Variants in NTN1 observed in about 807,000 individuals in gnomAD.
NTN1 encodes netrin-1.
Under a neutral mutation model 54.2 loss-of-function variants are expected in NTN1, and 11 were observed. The observed-to-expected ratio is 0.20, with a 90% confidence interval of 0.13 to 0.34. The LOEUF (loss-of-function observed/expected upper bound fraction) is 0.34. Ranked by LOEUF, NTN1 falls within the 10% of genes least tolerant of loss-of-function variation. The pLI is 1.00. For missense variants in NTN1, 740 were observed against 893.1 expected (o/e 0.83, Z 2.18); for synonymous variants, 371 against 382.0 (o/e 0.97, Z 0.33).
intron 5 of NTN1, among the ~76,000 whole-genome samples, chr17:9,210,995 C>T: frequency 6.8e-6 from 1 of 146,690 alleles, no homozygotes; most frequent in Admixed American, 6.9e-5. Flanking sequence ...ATTGTATCCT[C>T]ATTGCAGTAA....
intron 2 of NTN1, among the ~76,000 whole-genome samples, chr17:9,058,817 G>A (rs60686538): frequency 1.3e-5 from 2 of 152,076 alleles, no homozygotes; most frequent in African/African-American, 4.8e-5. Flanking sequence ...CCCCCGCCTA[G>A]AATTTGTCTT....
At chr17:9,228,863 AGAGTGTGTCT>A (rs1198155303) in intron 6 of NTN1, among the ~76,000 whole-genome samples, 14 of 52,756 alleles carry the variant, frequency 2.7e-4, no homozygotes, top group African/African-American at 6.3e-4. Flanking sequence ...ACTGTGTATG[AGAGTGTGTCT>A]GTGTGTGACT....
intron 2 of NTN1, among the ~76,000 whole-genome samples, chr17:9,133,063 C>T (rs1413635522): frequency 6.6e-6 from 1 of 152,064 alleles, no homozygotes; most frequent in Non-Finnish European, 1.5e-5. Flanking sequence ...CTCCCCTCCA[C>T]CTTAACGGCT....
At chr17:9,141,739 C>T (rs566588917) in intron 2 of NTN1, among the ~76,000 whole-genome samples, 1 of 152,170 alleles carries the variant, frequency 6.6e-6, no homozygotes, top group Non-Finnish European at 1.5e-5. Context: ...GTTTATGTTT[C>T]CTGAAGAGGC....
At chr17:9,130,373 G>C (rs944618070) in intron 2 of NTN1, among the ~76,000 whole-genome samples, 1 of 152,138 alleles carries the variant, frequency 6.6e-6, no homozygotes, top group Non-Finnish European at 1.5e-5. Context: ...GGTGATAACT[G>C]CTCAGGGAAT....
At position 9,170,596 on chromosome 17, in the gene NTN1, C is replaced by T. The variant is rs568884982; in HGVS notation, c.1207+7595C>T. Reference sequence around the variant, plus strand: ...TGCTTTGGGAGCAAAGATGACAAGTCGAAGGGCAGAGATGTGCCCAGCAGC... The same window carrying T: ...TGCTTTGGGAGCAAAGATGACAAGTTGAAGGGCAGAGATGTGCCCAGCAGC... On this transcript the variant is annotated intron_variant, in intron 3 of 6. Coordinates refer to ENST00000173229, the MANE Select transcript of NTN1 (RefSeq NM_004822.3). Among the ~76,000 whole-genome samples the T allele has an allele frequency of 4.2e-4, 64 of 152,212 alleles. 2 individuals carry two copies. Among genetic ancestry groups the T allele is most frequent in the African/African-American group, 1.5e-3 (62 of 41,516 alleles).
intron 5 of NTN1, among the ~76,000 whole-genome samples, chr17:9,218,915 G>GAAAAAAAAAAAAA (rs58849878): frequency 9.9e-5 from 14 of 141,144 alleles, no homozygotes; most frequent in African/African-American, 3.4e-4. Flanking sequence ...TGGCTTTTGT[G>GAAAAAAAAAAAAA]AAAAAAAAAA....
At chr17:9,021,861 C>T (rs895173312) in intron 1 of NTN1, among the ~76,000 whole-genome samples, 2 of 152,160 alleles carry the variant, frequency 1.3e-5, no homozygotes, top group South Asian at 2.1e-4. Context: ...CTCTTTTGCC[C>T]CCTCCAGAGG....
intron 4 of NTN1, among the ~76,000 whole-genome samples, chr17:9,181,106 A>G (rs3826466): frequency 0.31 from 47,643 of 152,048 alleles, 8,454 homozygotes; most frequent in East Asian, 0.54. Context: ...GTGTTTCTGA[A>G]TCAGAGGCTG....
In NTN1 at chr17:9,216,509, G is replaced by A. The variant is rs541758612; in HGVS notation, c.1412-4659G>A. Among the ~76,000 whole-genome samples, 57 of 152,316 alleles carry A rather than the reference G, an allele frequency of 3.7e-4. No homozygotes were observed. In the South Asian group the frequency reaches 0.011, roughly 30 times the overall value. Reference sequence around the variant, plus strand: ...TGACAGCAACTTTATGGTCCCCTATGCCTAAAGTATTCACCGTTTGGTCCT... The same window carrying A: ...TGACAGCAACTTTATGGTCCCCTATACCTAAAGTATTCACCGTTTGGTCCT... On this transcript the variant is annotated intron_variant, in intron 5 of 6. Transcript: ENST00000173229.
chr17:9,130,058 A>C (rs2092259634), intron 2 of NTN1, among the ~76,000 whole-genome samples: 1 of 152,106 alleles, frequency 6.6e-6, no homozygotes, highest in South Asian at 2.1e-4. Flanking sequence ...TTGGTGCCTG[A>C]AAGCCATCGA....
At chr17:9,024,929 C>T (rs1327972293) in intron 2 of NTN1, among the ~76,000 whole-genome samples, 1 of 152,204 alleles carries the variant, frequency 6.6e-6, no homozygotes, top group African/African-American at 2.4e-5. Flanking sequence ...TCAGTTCCCT[C>T]GGAAATGTTG....
chr17:9,068,165 G>A (rs1272133042), intron 2 of NTN1, among the ~76,000 whole-genome samples: 1 of 152,090 alleles, frequency 6.6e-6, no homozygotes, highest in Non-Finnish European at 1.5e-5. Context: ...CGTCTGTTTG[G>A]TGTGACTGGA....
chr17:9,053,147 A>G (rs928395648), intron 2 of NTN1, among the ~76,000 whole-genome samples: 2 of 152,192 alleles, frequency 1.3e-5, no homozygotes, highest in Non-Finnish European at 1.5e-5. Flanking sequence ...CCATTTGTTT[A>G]TGTATTGTCT....
At chr17:9,103,930 T>C (rs993440926) in intron 2 of NTN1, among the ~76,000 whole-genome samples, 8 of 151,024 alleles carry the variant, frequency 5.3e-5, no homozygotes, top group Non-Finnish European at 8.9e-5. Flanking sequence ...TACTAAAAAA[T>C]ACAAAAAAAT....
rs902247764 is a variant in NTN1, at chr17:9,116,228, G to T, written c.1019-46585G>T. ...GGGGGTGGCAGAACAGGTGCCTCTT[G>T]GCATGGGCAGGCGGCATGGTGGGGT... is the stretch of plus-strand genomic sequence containing the variant. On this transcript the variant is annotated intron_variant, in intron 2 of 6. Transcript: ENST00000173229. 2.6e-5 allele frequency among the ~76,000 whole-genome samples: 4 copies of T among 152,352 alleles called. No homozygotes were observed. The South Asian group carries it at 8.3e-4, about 32-fold the overall frequency.
At chr17:9,181,189 C>T (rs1397691779) in intron 4 of NTN1, among the ~76,000 whole-genome samples, 4 of 152,168 alleles carry the variant, frequency 2.6e-5, no homozygotes, top group South Asian at 2.1e-4. Context: ...TGATGCCTGG[C>T]GAGAGCATTG....
At chr17:9,194,677 G>T (rs559324573) in intron 5 of NTN1, among the ~76,000 whole-genome samples, 1 of 152,264 alleles carries the variant, frequency 6.6e-6, no homozygotes, top group African/African-American at 2.4e-5. Flanking sequence ...GGGGACAGAG[G>T]AGCCTCTGGC....
In NTN1 at chr17:9,216,503, C is replaced by CTAATA. The variant is rs1383461927; in HGVS notation, c.1412-4665_1412-4664insTAATA. 3.7e-4 allele frequency among the ~76,000 whole-genome samples: 57 copies of CTAATA among 152,262 alleles called. No homozygotes were observed. In the South Asian group the frequency reaches 0.011, roughly 30 times the overall value. On this transcript the variant is annotated intron_variant, in intron 5 of 6. Transcript: ENST00000173229. The stretch of plus-strand genomic sequence containing the variant: ...TAGTTGTGACAGCAACTTTATGGTC[C>CTAATA]CCTATGCCTAAAGTATTCACCGTTT...
Sources: allele counts gnomAD v4.1 joint callset (sites outside exome capture counted in the v4.1 genomes callset), GRCh38; gene constraint gnomAD v4.1.1; transcripts MANE v1.5; gene names NCBI Gene and HGNC (gene_info 2026-07-23, HGNC 2026-07-21).